The following EXT1 variants were observed in gnomAD, a reference collection of about 807,000 sequenced individuals.
EXT1 encodes exostosin-1.
In EXT1, 20 loss-of-function variants were observed where a neutral mutation model predicts 82.5. That is an observed-to-expected ratio of 0.24 (90% CI 0.17 to 0.35). EXT1 has a LOEUF of 0.35. Ranked by LOEUF, EXT1 falls within the 10% of genes least tolerant of loss-of-function variation. The pLI is 1.00. For synonymous variants in EXT1, 348 were observed against 350.8 expected (o/e 0.99, Z 0.09); for missense variants, 757 against 936.5 (o/e 0.81, Z 2.50).
At chr8:117,877,694 C>G (rs1812994653) in intron 1 of EXT1, among the ~76,000 whole-genome samples, 1 of 151,988 alleles carries the variant, frequency 6.6e-6, no homozygotes, top group African/African-American at 2.4e-5. Flanking sequence ...TATAGCAGCC[C>G]CTCCCGCTTA....
chr8:118,057,866 G>A (rs1816820061), intron 1 of EXT1, among the ~76,000 whole-genome samples: 3 of 151,628 alleles, frequency 2.0e-5, no homozygotes. Flanking sequence ...CCAGCTACGT[G>A]GGAGGCTGAG....
At chr8:118,054,646 GAGTTCAAA>G (rs1476610544) in intron 1 of EXT1, among the ~76,000 whole-genome samples, 1 of 152,146 alleles carries the variant, frequency 6.6e-6, no homozygotes, top group Non-Finnish European at 1.5e-5. Flanking sequence ...GAAGGTAAAG[GAGTTCAAA>G]AGCTTTAACC....
At chr8:117,854,761 G>A (rs1470358588) in intron 1 of EXT1, among the ~76,000 whole-genome samples, 1 of 152,152 alleles carries the variant, frequency 6.6e-6, no homozygotes, top group Non-Finnish European at 1.5e-5. Context: ...CCATTTCACA[G>A]CTGCACACCA....
intron 7 of EXT1, among the ~76,000 whole-genome samples, chr8:117,816,723 T>C (rs1207206372): frequency 6.6e-6 from 1 of 152,144 alleles, no homozygotes; most frequent in African/African-American, 2.4e-5. Context: ...AATGAAAATA[T>C]AAAATCAATC....
intron 1 of EXT1, among the ~76,000 whole-genome samples, chr8:117,844,718 CTG>C (rs1269394338): frequency 6.6e-6 from 1 of 152,164 alleles, no homozygotes; most frequent in African/African-American, 2.4e-5. Flanking sequence ...CACAGAGTCT[CTG>C]TGCACACAAA....
At chr8:117,905,937 C>A (rs1005033974) in intron 1 of EXT1, among the ~76,000 whole-genome samples, 3 of 152,230 alleles carry the variant, frequency 2.0e-5, no homozygotes, top group Non-Finnish European at 4.4e-5. Flanking sequence ...CAAGCCCCTC[C>A]GCTTGCTGAT....
At chr8:118,041,665 A>AAGGAAG (rs1808255896) in intron 1 of EXT1, among the ~76,000 whole-genome samples, 7 of 125,184 alleles carry the variant, frequency 5.6e-5, no homozygotes, top group South Asian at 3.2e-4. Context: ...AGAGAGAGAA[A>AAGGAAG]GAAGGAAGGA....
chr8:117,812,369 G>A (rs530653751), intron 8 of EXT1, among the ~76,000 whole-genome samples: 1 of 152,282 alleles, frequency 6.6e-6, no homozygotes, highest in Admixed American at 6.5e-5. Context: ...ACCTTGAAGT[G>A]AAACCGTTTG....
chr8:117,835,869 A>C (rs373327117), intron 2 of EXT1, among the ~76,000 whole-genome samples: 1 of 152,226 alleles, frequency 6.6e-6, no homozygotes, highest in Non-Finnish European at 1.5e-5. Flanking sequence ...TTGACGTAAC[A>C]AAAGCTCGCA....
chr8:117,936,862 G>A (rs920766301), intron 1 of EXT1, among the ~76,000 whole-genome samples: 1 of 152,116 alleles, frequency 6.6e-6, no homozygotes, highest in Non-Finnish European at 1.5e-5. Context: ...GCAACAGAGT[G>A]AGACTCCATC....
intron 1 of EXT1, among the ~76,000 whole-genome samples, chr8:118,085,821 G>A (rs1348166757): frequency 6.6e-6 from 1 of 152,014 alleles, no homozygotes; most frequent in African/African-American, 2.4e-5. Context: ...ATTTTCACAA[G>A]CAACAAATTT....
chr8:117,957,454 C>T (rs1024943449), intron 1 of EXT1, among the ~76,000 whole-genome samples: 2 of 152,176 alleles, frequency 1.3e-5, no homozygotes, highest in African/African-American at 4.8e-5. Context: ...CCTCTCGGCC[C>T]GGAATAAACA....
At chr8:117,950,282 A>T (rs896448287) in intron 1 of EXT1, among the ~76,000 whole-genome samples, 1 of 152,190 alleles carries the variant, frequency 6.6e-6, no homozygotes, top group Non-Finnish European at 1.5e-5. Flanking sequence ...TAACAAGGAA[A>T]GTTCTAGTAG....
Position 118,054,945 on chromosome 8 carries a change from T to C in EXT1, c.962+55140A>G, listed in dbSNP as rs1029772264. Among the ~76,000 whole-genome samples, 10 of 125,218 alleles carry C rather than the reference T, an allele frequency of 8.0e-5. No individual in the cohort carries two copies. The East Asian group carries it at 2.1e-3, about 26-fold the overall frequency. 82.1% of individuals were successfully genotyped at this position (125,218 alleles called of 152,430 possible). ...GGTCATTCTCCTTGCCTTCCCTTACTGTATGTATATGTATATATATATATA... is the reference window on the plus strand; with the variant it reads ...GGTCATTCTCCTTGCCTTCCCTTACCGTATGTATATGTATATATATATATA... On this transcript the variant is annotated intron_variant, in intron 1 of 10. Coordinates refer to ENST00000378204, the MANE Select transcript of EXT1 (RefSeq NM_000127.3).
intron 10 of EXT1, among the ~76,000 whole-genome samples, chr8:117,801,822 T>C (rs1823170752): frequency 6.6e-6 from 1 of 152,226 alleles, no homozygotes. Context: ...CCATTTTTGA[T>C]TGGCCCACTC....
intron 1 of EXT1, among the ~76,000 whole-genome samples, chr8:117,847,611 T>C (rs1812383630): frequency 3.3e-5 from 5 of 152,186 alleles, no homozygotes; most frequent in Admixed American, 3.3e-4. Flanking sequence ...TCATGGCTTC[T>C]GCAATGACAA....
At chr8:117,974,541 C>T (rs1404180031) in intron 1 of EXT1, among the ~76,000 whole-genome samples, 11 of 152,154 alleles carry the variant, frequency 7.2e-5, no homozygotes, top group Non-Finnish European at 1.6e-4. Context: ...GATCACAGCT[C>T]ACTGCAGCCT....
At chr8:118,012,310 C>T (rs139418714) in intron 1 of EXT1, among the ~76,000 whole-genome samples, 2 of 152,316 alleles carry the variant, frequency 1.3e-5, no homozygotes, top group South Asian at 2.1e-4. Flanking sequence ...GTTTCTTCCA[C>T]GGGGCTAAGG....
At chr8:117,888,037 A>T (rs902719574) in intron 1 of EXT1, among the ~76,000 whole-genome samples, 7 of 151,772 alleles carry the variant, frequency 4.6e-5, no homozygotes, top group Non-Finnish European at 1.0e-4. Flanking sequence ...GTAAGCTGAG[A>T]TCACGCCATT....
Sources: allele counts gnomAD v4.1 joint callset (sites outside exome capture counted in the v4.1 genomes callset), GRCh38; gene constraint gnomAD v4.1.1; transcripts MANE v1.5; gene names NCBI Gene and HGNC (gene_info 2026-07-23, HGNC 2026-07-21).